The following EDAR variants were observed in gnomAD, a reference collection of about 807,000 sequenced individuals.
EDAR encodes the protein tumor necrosis factor receptor superfamily member EDAR.
A neutral mutation model predicts 51.3 loss-of-function variants in EDAR; 38 were observed. That is an observed-to-expected ratio of 0.74 (90% CI 0.57 to 0.97). EDAR has a LOEUF of 0.97. Ranked by LOEUF, EDAR falls within the 50% of genes least tolerant of loss-of-function variation. EDAR has a pLI of 0.00. For missense variants in EDAR, 528 were observed against 595.0 expected, an observed-to-expected ratio of 0.89 and a Z score of 1.17; for synonymous variants, 227 against 242.1, an observed-to-expected ratio of 0.94 and a Z score of 0.58.
intron 1 of EDAR, among the ~76,000 whole-genome samples, chr2:108,964,207 T>C (rs1375465373): frequency 6.6e-6 from 1 of 152,174 alleles, no homozygotes; most frequent in Non-Finnish European, 1.5e-5. Context: ...TCCAGGCTTG[T>C]ATAGATGGGG....
chr2:108,912,867 G>GCCATCACTGCCTC, intron 5 of EDAR, 103 bp from the exon 6 acceptor site: 1 of 968,092 alleles, frequency 1.0e-6, no homozygotes, highest in Non-Finnish European at 1.6e-6. Context: ...GAATGGGCCT[G>GCCATCACTGCCTC]AGGCAGTGAT....
At chr2:108,948,988 AT>A (rs1232141160) in intron 1 of EDAR, among the ~76,000 whole-genome samples, 1 of 152,048 alleles carries the variant, frequency 6.6e-6, no homozygotes, top group Non-Finnish European at 1.5e-5. Context: ...AAACACATAC[AT>A]GTTTTTAGGC....
chr2:108,956,935 C>A (rs1211325745), intron 1 of EDAR, among the ~76,000 whole-genome samples: 2 of 152,108 alleles, frequency 1.3e-5, no homozygotes, highest in Non-Finnish European at 2.9e-5. Context: ...ATTACAGGCA[C>A]CTACCACCAC....
Position 108,960,602 on chromosome 2 carries a change from AT to A in EDAR, c.-19+28357del, listed in dbSNP as rs369678938. Among the ~76,000 whole-genome samples, 536 of 152,080 alleles carry A rather than the reference AT, an allele frequency of 3.5e-3. 2 individuals are homozygous for A. The highest frequency in any genetic ancestry group is 0.012 in the African/African-American group (497 of 41,462). On this transcript the variant is annotated intron_variant, in intron 1 of 11. Transcript: ENST00000258443. The stretch of plus-strand genomic sequence containing the variant: ...GGCTCTGTCACTGATAGGTTTTTAC[AT>A]TTTTTTTCATATTTTCCTGATTGTA...
chr2:108,921,332 G>C (rs1292766612), intron 5 of EDAR, among the ~76,000 whole-genome samples: 1 of 152,182 alleles, frequency 6.6e-6, no homozygotes. Flanking sequence ...TCCTAGGTGG[G>C]TGTCATCCTC....
chr2:108,976,194 C>T (rs1382627628), intron 1 of EDAR, among the ~76,000 whole-genome samples: 1 of 152,198 alleles, frequency 6.6e-6, no homozygotes, highest in African/African-American at 2.4e-5. Flanking sequence ...TTAGGCTCTT[C>T]TTGGCTAACA....
chr2:108,950,363 G>T (rs550385017), intron 1 of EDAR, among the ~76,000 whole-genome samples: 1 of 151,600 alleles, frequency 6.6e-6, no homozygotes, highest in African/African-American at 2.4e-5. Flanking sequence ...TGATCCTCCC[G>T]CCTCAGCCTC....
intron 1 of EDAR, among the ~76,000 whole-genome samples, chr2:108,946,110 C>A (rs757557740): frequency 3.3e-5 from 5 of 152,168 alleles, no homozygotes; most frequent in Non-Finnish European, 7.3e-5. Flanking sequence ...AAGGACACAC[C>A]AGCCCCTCCT....
At chr2:108,925,679 G>A (rs1479043184) in intron 4 of EDAR, among the ~76,000 whole-genome samples, 1 of 152,088 alleles carries the variant, frequency 6.6e-6, no homozygotes, top group Non-Finnish European at 1.5e-5. Context: ...GTACAGAGAA[G>A]CAATCTTGGC....
chr2:108,912,840 T>G (rs1398195297), intron 5 of EDAR, 76 bp from the exon 6 acceptor site: 1 of 1,253,468 alleles, frequency 8.0e-7, no homozygotes. Context: ...AGCTCATGGA[T>G]CTGGATTCAT....
chr2:108,943,609 C>T (rs1469401816), intron 1 of EDAR, among the ~76,000 whole-genome samples: 1 of 152,164 alleles, frequency 6.6e-6, no homozygotes, highest in Non-Finnish European at 1.5e-5. Context: ...TGGGAGGACT[C>T]ACTTCCGAGC....
chr2:108,934,284 C>T (rs1697426050), intron 1 of EDAR, among the ~76,000 whole-genome samples: 2 of 152,192 alleles, frequency 1.3e-5, no homozygotes, highest in Non-Finnish European at 2.9e-5. Flanking sequence ...TTGGATCCCA[C>T]TTCTCAGACT....
intron 4 of EDAR, among the ~76,000 whole-genome samples, 181 bp downstream of exon 4, chr2:108,929,017 C>T (rs915147220): frequency 6.6e-5 from 10 of 152,328 alleles, no homozygotes; most frequent in Middle Eastern, 3.4e-3. Context: ...GCCTGTCCAC[C>T]GGAGGGGCCA....
At chr2:108,947,600 A>G (rs576229329) in intron 1 of EDAR, among the ~76,000 whole-genome samples, 5 of 152,250 alleles carry the variant, frequency 3.3e-5, no homozygotes, top group Admixed American at 3.3e-4. Flanking sequence ...CGCAGTCCCA[A>G]CACCAAGTGG....
intron 4 of EDAR, among the ~76,000 whole-genome samples, chr2:108,926,130 G>A (rs1697249858): frequency 1.3e-5 from 2 of 152,186 alleles, no homozygotes; most frequent in South Asian, 2.1e-4. Context: ...ATCCTGGGCT[G>A]CACAGCAACA....
At chr2:108,941,663 C>T (rs538622567) in intron 1 of EDAR, among the ~76,000 whole-genome samples, 3 of 152,226 alleles carry the variant, frequency 2.0e-5, no homozygotes, top group African/African-American at 7.2e-5. Flanking sequence ...CAACAAGTCA[C>T]TTCCAAAAGA....
At chr2:108,900,463 A>T (rs559068759) in intron 11 of EDAR, among the ~76,000 whole-genome samples, 2 of 152,140 alleles carry the variant, frequency 1.3e-5, no homozygotes, top group South Asian at 4.2e-4. Flanking sequence ...CTGAGGCAGG[A>T]GAACCACTTG....
chr2:108,927,385 A>G (rs2105440821), intron 4 of EDAR, among the ~76,000 whole-genome samples: 1 of 152,322 alleles, frequency 6.6e-6, no homozygotes, highest in Non-Finnish European at 1.5e-5. Flanking sequence ...GGCTGTCCAC[A>G]TTCGCCTGAA....
chr2:108,976,651 G>T (rs1698327372), intron 1 of EDAR, among the ~76,000 whole-genome samples: 2 of 152,144 alleles, frequency 1.3e-5, no homozygotes, highest in East Asian at 3.9e-4. Context: ...TTATTTATTT[G>T]TCAGTGTGAA....
Sources: allele counts gnomAD v4.1 joint callset (sites outside exome capture counted in the v4.1 genomes callset), GRCh38; gene constraint gnomAD v4.1.1; transcripts MANE v1.5; gene names NCBI Gene and HGNC (gene_info 2026-07-23, HGNC 2026-07-21).